PIEZO2: variants seen among roughly 807,000 people sequenced by gnomAD.
PIEZO2 encodes piezo type mechanosensitive ion channel component 2.
Under a neutral mutation model 337.3 loss-of-function variants are expected in PIEZO2, and 172 were observed. The ratio of observed to expected loss-of-function variants is 0.51; its 90% CI spans 0.45 to 0.58. The LOEUF is 0.58. Ranked by LOEUF, PIEZO2 falls within the 20% of genes least tolerant of loss-of-function variation. The probability of loss-of-function intolerance (pLI) is 0.00; values close to 1 mark genes in which losing one functional copy is unlikely to be tolerated. For missense variants in PIEZO2, 3,028 were observed against 3,391.3 expected, an observed-to-expected ratio of 0.89 and a Z score of 2.66; for synonymous variants, 1,251 against 1,228.5, an observed-to-expected ratio of 1.02 and a Z score of -0.38.
intron 8 of PIEZO2, among the ~76,000 whole-genome samples, chr18:10,805,142 T>C (rs1347738468): frequency 6.6e-6 from 1 of 152,194 alleles, no homozygotes; most frequent in East Asian, 1.9e-4. Context: ...ACATGGGATA[T>C]CCCAGAGAAA....
intron 38 of PIEZO2, 58 bp from the exon 39 acceptor site, chr18:10,714,988 C>A: frequency 6.7e-7 from 1 of 1,493,506 alleles, no homozygotes; most frequent in South Asian, 1.3e-5. Flanking sequence ...GTATAGCCAC[C>A]TGGCATTTCT....
At chr18:10,840,364 G>A (rs907898754) in intron 7 of PIEZO2, among the ~76,000 whole-genome samples, 9 of 152,094 alleles carry the variant, frequency 5.9e-5, no homozygotes, top group Admixed American at 1.3e-4. Flanking sequence ...AAAAGGTTTA[G>A]AAGGGTAAAA....
rs77911666 is a variant in PIEZO2 at position 10,982,240 on chromosome 18, A to G, written c.161-2580T>C. Among the ~76,000 whole-genome samples, 476 of 152,314 alleles carry G rather than the reference A, an allele frequency of 3.1e-3. 3 individuals carry two copies. Among genetic ancestry groups the G allele is most frequent in the African/African-American group, 0.011 (448 of 41,562 alleles). On this transcript the variant is annotated intron_variant, in intron 2 of 55. Coordinates refer to ENST00000674853, the MANE Select transcript of PIEZO2 (RefSeq NM_001378183.1). The surrounding 1 kb of genome is among the most constrained non-coding windows in gnomAD (Gnocchi z 4.1). ...TATTCGGGTTCTCTAGAGGGACAGG[A>G]CTAATAAGATAGATGCATATATCAA...
At chr18:10,864,368 A>G (rs1394024242) in intron 5 of PIEZO2, among the ~76,000 whole-genome samples, 1 of 152,208 alleles carries the variant, frequency 6.6e-6, no homozygotes, top group African/African-American at 2.4e-5. Flanking sequence ...GTAGTCACTC[A>G]GGGAAGATAT....
chr18:11,052,641 T>G (rs1459479314), intron 2 of PIEZO2, among the ~76,000 whole-genome samples: 2 of 152,222 alleles, frequency 1.3e-5, no homozygotes, highest in Non-Finnish European at 2.9e-5. Context: ...ATATAAAATC[T>G]AATATGTTTG....
rs74177567 is a variant in PIEZO2 at position 10,720,419 on chromosome 18, GTATATATATATATATA to G, written c.5030-2176_5030-2161del. On this transcript the variant is annotated intron_variant, in intron 36 of 55. Transcript: ENST00000674853. ...TGTGTGTGTGTATGTGTATGTGTAT[GTATATATATATATATA>G]TATATATATATATATATATATATAT... Among the ~76,000 whole-genome samples, 31 of 9,260 alleles carry G rather than the reference GTATATATATATATATA, an allele frequency of 3.3e-3. 1 individual carries two copies. The highest frequency in any genetic ancestry group is 8.2e-3 in the Admixed American group (4 of 488). The allele number at this position is 9,260 out of a possible 152,430, so 6.1% of individuals were successfully genotyped here.
chr18:10,970,076 T>A (rs139432188), intron 3 of PIEZO2, among the ~76,000 whole-genome samples: 1 of 152,180 alleles, frequency 6.6e-6, no homozygotes, highest in African/African-American at 2.4e-5. Flanking sequence ...AAATCAGTGA[T>A]TATCACTCAA....
intron 1 of PIEZO2, among the ~76,000 whole-genome samples, chr18:11,145,381 A>G (rs2040784288): frequency 6.6e-6 from 1 of 152,210 alleles, no homozygotes. Flanking sequence ...TGTAACCATT[A>G]TATTAAACAC....
intron 2 of PIEZO2, among the ~76,000 whole-genome samples, chr18:11,049,005 T>C (rs958875493): frequency 1.3e-5 from 2 of 152,180 alleles, no homozygotes; most frequent in Non-Finnish European, 1.5e-5. Flanking sequence ...CCATCAGAAA[T>C]TAGTCTCGTC....
At chr18:11,089,483 ATTTGT>A (rs1018772537) in intron 1 of PIEZO2, among the ~76,000 whole-genome samples, 2 of 152,152 alleles carry the variant, frequency 1.3e-5, no homozygotes, top group South Asian at 4.1e-4. Flanking sequence ...AACTCTTGAA[ATTTGT>A]TTTAAGAGAT....
intron 49 of PIEZO2, among the ~76,000 whole-genome samples, chr18:10,688,977 G>C (rs575461345): frequency 6.6e-6 from 1 of 152,298 alleles, no homozygotes; most frequent in Non-Finnish European, 1.5e-5. Context: ...CCCCATGACT[G>C]TAACGCTGAA....
Position 11,094,283 on chromosome 18 carries a change from G to C in PIEZO2, c.65-28061C>G, listed in dbSNP as rs1190136503. Among the ~76,000 whole-genome samples the C allele has an allele frequency of 6.6e-6, 1 of 152,164 alleles. No homozygotes were observed. The highest frequency in any genetic ancestry group is 2.4e-5 in the African/African-American group (1 of 41,442). On this transcript the variant is annotated intron_variant, in intron 1 of 55. Transcript: ENST00000674853. The surrounding 1 kb of genome is among the most constrained non-coding windows in gnomAD (Gnocchi z 4.4). The stretch of plus-strand genomic sequence containing the variant: ...TTAATCCTCCCAAATCACTGGGGAA[G>C]CCATTTATCATTGAAATTTTACAAA...
In PIEZO2 at chr18:11,127,655, A is replaced by T. The variant is rs1041136993; in HGVS notation, c.64+20870T>A. The stretch of plus-strand genomic sequence containing the variant: ...AAGCCTATTGTGGGACCTTGTGATC[A>T]TGTAAGTTAATACTTAATAAACTCC... On this transcript the variant is annotated intron_variant, in intron 1 of 55. Coordinates refer to ENST00000674853, the MANE Select transcript of PIEZO2 (RefSeq NM_001378183.1). This position sits in a 1 kb window ranked among gnomAD's most constrained non-coding sequence, Gnocchi z 4.5. Among the ~76,000 whole-genome samples the T allele has an allele frequency of 5.3e-5, 8 of 151,950 alleles. No individual in the cohort carries two copies. The highest frequency in any genetic ancestry group is 1.9e-4 in the African/African-American group (8 of 41,336).
intron 3 of PIEZO2, among the ~76,000 whole-genome samples, chr18:10,935,140 A>T (rs1264579682): frequency 6.6e-6 from 1 of 152,110 alleles, no homozygotes; most frequent in Non-Finnish European, 1.5e-5. Context: ...CCATTTTTTT[A>T]AATGTCATGT....
intron 1 of PIEZO2, among the ~76,000 whole-genome samples, chr18:11,135,568 G>C (rs1177666914): frequency 6.6e-6 from 1 of 152,176 alleles, no homozygotes; most frequent in African/African-American, 2.4e-5. Context: ...GATTGATTTA[G>C]ATGGAGTCTA....
intron 35 of PIEZO2, among the ~76,000 whole-genome samples, chr18:10,731,835 A>G (rs1040831936): frequency 6.6e-5 from 10 of 152,232 alleles, no homozygotes; most frequent in African/African-American, 2.4e-4. Context: ...TGCACTGTCC[A>G]CAATAGGTAT....
At chr18:10,805,024 T>G (rs919173904) in intron 8 of PIEZO2, among the ~76,000 whole-genome samples, 12 of 152,170 alleles carry the variant, frequency 7.9e-5, no homozygotes, top group Non-Finnish European at 1.6e-4. Context: ...CGGCTCTCTC[T>G]CTGCTACCTT....
intron 4 of PIEZO2, among the ~76,000 whole-genome samples, chr18:10,906,238 C>T (rs2029909411): frequency 6.6e-6 from 1 of 152,088 alleles, no homozygotes. Context: ...GTTCCACTAT[C>T]CAAGTGGAGC....
rs547910804 is a variant in PIEZO2, at chr18:11,130,425, A to G, written c.64+18100T>C. On this transcript the variant is annotated intron_variant, in intron 1 of 55. Coordinates refer to ENST00000674853, the MANE Select transcript of PIEZO2 (RefSeq NM_001378183.1). ...GCTTTCAGCTGGCAAGGCCAGCAAT[A>G]TACCTTTACTGTCCTACCTCAGAGG... 9.8e-5 allele frequency among the ~76,000 whole-genome samples: 15 copies of G among 152,356 alleles called. No homozygotes were observed. In the South Asian group the frequency reaches 3.1e-3, roughly 32 times the overall value.
Sources: gnomAD v4.1 joint callset for allele counts (sites outside exome capture counted in the v4.1 genomes callset) on GRCh38, gnomAD v4.1.1 for gene constraint, Gnocchi (gnomAD v3.1) non-coding constraint, MANE v1.5 for transcripts, NCBI Gene and HGNC (gene_info 2026-07-23, HGNC 2026-07-21) for gene names.